The following SNX7 variants were observed in gnomAD, a reference collection of about 807,000 sequenced individuals.
SNX7 encodes sorting nexin-7.
SNX7 carries 35 observed loss-of-function variants against 48.4 expected under a neutral mutation model. The ratio of observed to expected loss-of-function variants is 0.72; its 90% CI spans 0.55 to 0.96. SNX7 has a LOEUF of 0.96. SNX7 is among the 40% of genes least tolerant of loss of function. The pLI is 0.00. For missense variants in SNX7, 553 were observed against 548.9 expected, an observed-to-expected ratio of 1.01 and a Z score of -0.07; for synonymous variants, 190 against 190.2, an observed-to-expected ratio of 1.00 and a Z score of 0.01.
chr1:98,687,802 TG>T (rs546666506), intron 2 of SNX7, among the ~76,000 whole-genome samples: 172 of 152,214 alleles, frequency 1.1e-3, no homozygotes, highest in Non-Finnish European at 1.3e-3. Context: ...CTCACAATCA[TG>T]GCAGAAAGCA....
chr1:98,661,805 C>T lies in SNX7; in HGVS notation c.74C>T (p.Pro25Leu). The T allele has an allele frequency of 8.0e-7, 1 of 1,244,758 alleles. No homozygotes were observed. Among genetic ancestry groups the T allele is most frequent in the Non-Finnish European group, 1.0e-6 (1 of 986,944 alleles). 77.1% of individuals were successfully genotyped at this position (1,244,758 alleles called of 1,614,324 possible). Residue 25 changes from proline to leucine, a missense_variant, in exon 1 of 9, where the codon CCG becomes CTG. Transcript: ENST00000306121. Reference protein sequence around the residue: ...LPAGGANGESPGGGAPFPGSS... With the variant: ...LPAGGANGESLGGGAPFPGSS... ...GCCGGGGGCGCCAACGGGGAGAGCCCGGGGGGCGGCGCCCCCTTTCCGGGC... is the reference window on the plus strand; with the variant it reads ...GCCGGGGGCGCCAACGGGGAGAGCCTGGGGGGCGGCGCCCCCTTTCCGGGC...
In SNX7 at chr1:98,691,698, G is replaced by T. The variant is rs1651137274; in HGVS notation, c.638G>T (p.Trp213Leu). Reference sequence around the variant, plus strand: ...AAAATTTTTCTCACTGCACAAGCTTGGGTAAATGATTTTTATTTATACTCA... The same window carrying T: ...AAAATTTTTCTCACTGCACAAGCTTTGGTAAATGATTTTTATTTATACTCA... ...DFKIFLTAQA[W>L]ELSSHKKQGP... Residue 213 changes from tryptophan to leucine, a missense_variant and splice_region_variant, in exon 4 of 9, where the codon TGG becomes TTG. Coordinates refer to ENST00000306121, the MANE Select transcript of SNX7 (RefSeq NM_015976.5). The T allele has an allele frequency of 6.3e-7, 1 of 1,593,778 alleles. No individual in the cohort carries two copies. The highest frequency in any genetic ancestry group is 1.8e-5 in the Admixed American group (1 of 56,084).
At chr1:98,672,738 C>T (rs1361495194) in intron 1 of SNX7, among the ~76,000 whole-genome samples, 1 of 149,734 alleles carries the variant, frequency 6.7e-6, no homozygotes, top group Non-Finnish European at 1.5e-5. Flanking sequence ...TCCTGGCTAA[C>T]AAGGTGAAAC....
rs372572888 is a variant in SNX7 at position 98,750,847 on chromosome 1, A to G, written c.1279-9207A>G. Among the ~76,000 whole-genome samples, 136 of 152,230 alleles carry G rather than the reference A, an allele frequency of 8.9e-4. 1 individual carries two copies. The highest frequency in any genetic ancestry group is 1.2e-3 in the Admixed American group (19 of 15,252). On this transcript the variant is annotated intron_variant, in intron 8 of 8. Coordinates refer to ENST00000306121, the MANE Select transcript of SNX7 (RefSeq NM_015976.5). ...TTATAATGACAGTTATCTTATAAATACCAAATGCTAGGAGGAGAAGTAAAA... is the reference window on the plus strand; with the variant it reads ...TTATAATGACAGTTATCTTATAAATGCCAAATGCTAGGAGGAGAAGTAAAA...
chr1:98,703,409 C>CA (rs1372143503), intron 7 of SNX7, among the ~76,000 whole-genome samples: 2 of 152,122 alleles, frequency 1.3e-5, no homozygotes, highest in African/African-American at 2.4e-5. Context: ...GAATTACTCT[C>CA]ACGTTTCTTG....
intron 4 of SNX7, 116 bp from the exon 5 acceptor site, chr1:98,695,402 G>A (rs1651395999): frequency 1.6e-5 from 14 of 902,440 alleles, no homozygotes; most frequent in Middle Eastern, 3.5e-4. Flanking sequence ...AAAAAAGATT[G>A]ATGCCTATGA....
chr1:98,685,142 T>G (rs1390123988), intron 2 of SNX7, 75 bp downstream of exon 2: 10 of 918,350 alleles, frequency 1.1e-5, no homozygotes, highest in Non-Finnish European at 1.4e-5. Context: ...CTCTTGTTCA[T>G]TATAATTCTG....
At chr1:98,679,568 T>C (rs2100929393) in intron 1 of SNX7, among the ~76,000 whole-genome samples, 1 of 152,230 alleles carries the variant, frequency 6.6e-6, no homozygotes, top group East Asian at 1.9e-4. Flanking sequence ...GCTTCTAATA[T>C]CAAAAGGTTA....
At chr1:98,674,517 G>A (rs1650054184) in intron 1 of SNX7, among the ~76,000 whole-genome samples, 1 of 152,020 alleles carries the variant, frequency 6.6e-6, no homozygotes. Flanking sequence ...ATTGGATTAG[G>A]GCCTATCCTA....
Position 98,695,715 on chromosome 1 carries a change from G to T in SNX7, c.837G>T (p.Arg279Ser), listed in dbSNP as rs756282034. 18 of 1,539,870 alleles carry T rather than the reference G, an allele frequency of 1.2e-5. No individual in the cohort carries two copies. The highest frequency in any genetic ancestry group is 1.5e-5 in the Non-Finnish European group (17 of 1,113,462). The change falls in exon 5 of 9, where the codon AGG (arginine) becomes AGT (serine). Residue 279 changes from arginine to serine, a missense_variant and splice_region_variant. Physicochemically the swap from Arg to Ser is moderately radical, Grantham distance 110. Transcript: ENST00000306121. ...CTCAGAGAATTTATAAGGAAGAAAG[G>T]GGTAAGTAGAATTACTGAAATGTGA... ...KISQRIYKEE[R>S]EYFDEMKEYG...
At chr1:98,694,069 A>G (rs947240183) in intron 4 of SNX7, among the ~76,000 whole-genome samples, 3 of 152,158 alleles carry the variant, frequency 2.0e-5, no homozygotes, top group African/African-American at 7.2e-5. Context: ...CTAGTTTCGT[A>G]TCTTATTACA....
At chr1:98,700,574 T>C (rs995521082) in intron 6 of SNX7, among the ~76,000 whole-genome samples, 14 of 151,986 alleles carry the variant, frequency 9.2e-5, no homozygotes, top group Admixed American at 2.6e-4. Flanking sequence ...AGACATGGTC[T>C]CACTCTGTTG....
chr1:98,719,112 G>A (rs1652734310), intron 7 of SNX7, among the ~76,000 whole-genome samples: 1 of 152,112 alleles, frequency 6.6e-6, no homozygotes, highest in African/African-American at 2.4e-5. Flanking sequence ...GTGATCTTGA[G>A]CAAATTAGCT....
chr1:98,665,580 GTTAT>G (rs1015065576), intron 1 of SNX7, among the ~76,000 whole-genome samples: 12 of 152,046 alleles, frequency 7.9e-5, no homozygotes, highest in Non-Finnish European at 1.0e-4. Flanking sequence ...TTCAGAAAAG[GTTAT>G]TTATTTATTT....
intron 8 of SNX7, among the ~76,000 whole-genome samples, chr1:98,741,044 C>T (rs1410100620): frequency 1.3e-5 from 2 of 152,128 alleles, no homozygotes; most frequent in Admixed American, 6.6e-5. Flanking sequence ...TAAACAGCAA[C>T]AATCTGTCAC....
At chr1:98,710,890 T>G (rs576541686) in intron 7 of SNX7, among the ~76,000 whole-genome samples, 1 of 152,176 alleles carries the variant, frequency 6.6e-6, no homozygotes, top group South Asian at 2.1e-4. Flanking sequence ...CTTAAAGAAT[T>G]TTTTTTGAAG....
chr1:98,738,433 C>A, intron 8 of SNX7, 44 bp downstream of exon 8: 2 of 1,568,660 alleles, frequency 1.3e-6, no homozygotes, highest in Non-Finnish European at 1.7e-6. Context: ...AAGTTATATG[C>A]TCATTTACTT....
intron 2 of SNX7, among the ~76,000 whole-genome samples, chr1:98,690,852 A>G (rs1439685004): frequency 1.3e-5 from 2 of 151,980 alleles, no homozygotes; most frequent in African/African-American, 2.4e-5. Context: ...TTTAAGTATG[A>G]TATTTGCTTT....
chr1:98,738,266 T>G lies in SNX7; in HGVS notation c.1155T>G (p.Asp385Glu). 2 of 1,613,236 alleles carry G rather than the reference T, an allele frequency of 1.2e-6. No homozygotes were observed. Among genetic ancestry groups the G allele is most frequent in the Non-Finnish European group, 8.5e-7 (1 of 1,179,650 alleles). The part of the protein sequence containing the change: ...LLPEEIGKLE[D>E]KVECANNALK... ...CAGAGGAGATTGGAAAACTTGAAGA[T>G]AAAGTGGAATGTGCTAATAATGCCC... The change falls in exon 8 of 9, where the codon GAT becomes GAG. Residue 385 changes from aspartate to glutamate, a missense_variant. Transcript: ENST00000306121.
Sources: allele counts gnomAD v4.1 joint callset (sites outside exome capture counted in the v4.1 genomes callset), GRCh38; gene constraint gnomAD v4.1.1; transcripts MANE v1.5; gene names NCBI Gene and HGNC (gene_info 2026-07-23, HGNC 2026-07-21).